Variants in ACVR1B observed in about 807,000 individuals in gnomAD.
ACVR1B encodes activin receptor type-1B.
Under a neutral mutation model 55.6 loss-of-function variants are expected in ACVR1B, and 15 were observed. The observed-to-expected ratio is 0.27, with a 90% CI of 0.18 to 0.42. The LOEUF (loss-of-function observed/expected upper bound fraction) is 0.42. Ranked by LOEUF, ACVR1B falls within the 10% of genes least tolerant of loss-of-function variation. ACVR1B has a pLI of 1.00. For missense variants in ACVR1B, 359 were observed against 670.1 expected, an observed-to-expected ratio of 0.54 and a Z score of 5.13; for synonymous variants, 247 against 254.6, an observed-to-expected ratio of 0.97 and a Z score of 0.28.
intron 6 of ACVR1B, among the ~76,000 whole-genome samples, chr12:51,985,574 C>T (rs1262137495): frequency 1.3e-5 from 2 of 152,194 alleles, no homozygotes; most frequent in African/African-American, 4.8e-5. Flanking sequence ...ACTGTATGCA[C>T]ATTGGTGTTG....
At chr12:51,986,549 C>G (rs1037951531) in intron 6 of ACVR1B, among the ~76,000 whole-genome samples, 1 of 152,160 alleles carries the variant, frequency 6.6e-6, no homozygotes, top group Admixed American at 6.6e-5. Flanking sequence ...CGTGAGCCAC[C>G]GCACCTGGCC....
intron 1 of ACVR1B, among the ~76,000 whole-genome samples, chr12:51,955,476 C>G (rs1315937418): frequency 6.6e-6 from 1 of 152,204 alleles, no homozygotes; most frequent in East Asian, 1.9e-4. Flanking sequence ...GGGTTGCAGT[C>G]TGTTCTCATA....
intron 3 of ACVR1B, among the ~76,000 whole-genome samples, chr12:51,979,095 A>G (rs1941926254): frequency 7.1e-6 from 1 of 141,712 alleles, no homozygotes. Flanking sequence ...CCCGGGAGGC[A>G]GAGGTTGCAG....
intron 8 of ACVR1B, chr12:51,992,467 T>A (rs1942211120): frequency 5.8e-6 from 1 of 171,108 alleles, no homozygotes; most frequent in Non-Finnish European, 1.2e-5. Flanking sequence ...GGCCACTGCG[T>A]TTCAGCCTGG....
Position 51,991,997 on chromosome 12 carries a change from A to G in ACVR1B, c.1392+4A>G, listed in dbSNP as rs1376875423. 8 of 1,614,130 alleles carry G rather than the reference A, an allele frequency of 5.0e-6. No homozygotes were observed. The highest frequency in any genetic ancestry group is 4.0e-5 in the African/African-American group (3 of 74,942). ...CAACTGGTGGCAGAGTTATGAGGTA[A>G]GAAGCTGGCCTCCTGCGGCTTTCCC... On this transcript the variant is annotated splice_donor_region_variant and intron_variant, in intron 8 of 8. Transcript: ENST00000257963.
At chr12:51,963,709 G>A (rs1411283712) in intron 1 of ACVR1B, among the ~76,000 whole-genome samples, 1 of 152,134 alleles carries the variant, frequency 6.6e-6, no homozygotes, top group Admixed American at 6.5e-5. Context: ...CATTTGGGTG[G>A]TTTCCACCTT....
At chr12:51,959,023 A>G (rs916031700) in intron 1 of ACVR1B, among the ~76,000 whole-genome samples, 1 of 152,248 alleles carries the variant, frequency 6.6e-6, no homozygotes, top group Non-Finnish European at 1.5e-5. Flanking sequence ...CAGAAAGCTT[A>G]CCTTCTGCCA....
intron 1 of ACVR1B, among the ~76,000 whole-genome samples, chr12:51,967,327 G>C (rs987084922): frequency 1.2e-4 from 19 of 152,120 alleles, no homozygotes; most frequent in African/African-American, 4.3e-4. Context: ...GGGAGGCCGA[G>C]GCTGGTGGGT....
chr12:51,955,745 CTG>C lies in ACVR1B; in HGVS notation c.91+3913_91+3914del, dbSNP rs1257745323. On this transcript the variant is annotated intron_variant, in intron 1 of 8. Transcript: ENST00000257963. ...GAGGGTCTTAATCTCATTTTCCTCT[CTG>C]TATTCATAAAAAGGGAATCCTAGAG... is the stretch of plus-strand genomic sequence containing the variant. Among the ~76,000 whole-genome samples the C allele has an allele frequency of 2.6e-5, 4 of 152,328 alleles. No homozygotes were observed. The East Asian group carries it at 5.8e-4, about 22-fold the overall frequency.
intron 1 of ACVR1B, among the ~76,000 whole-genome samples, chr12:51,973,138 A>G (rs1424137061): frequency 1.3e-5 from 2 of 152,218 alleles, no homozygotes; most frequent in Non-Finnish European, 2.9e-5. Flanking sequence ...GAGGTTGTGA[A>G]CTAACGAAAT....
chr12:51,964,324 G>A (rs937548279), intron 1 of ACVR1B, among the ~76,000 whole-genome samples: 3 of 152,060 alleles, frequency 2.0e-5, no homozygotes, highest in African/African-American at 7.2e-5. Flanking sequence ...GTTTTTAATT[G>A]GGTTGTTGTT....
chr12:51,996,255 A>G lies in ACVR1B; in HGVS notation c.*2145A>G, dbSNP rs113737357. ...TGTCCCCAGGGGAGGTGTATTGTGT[A>G]TGTAGCCTTAGAGCATCTCTGCCTC... On this transcript the variant is annotated 3_prime_UTR_variant, in exon 9 of 9. Transcript: ENST00000257963. 4,074 of 152,654 alleles carry G rather than the reference A, an allele frequency of 0.027. 87 individuals carry two copies. The highest frequency in any genetic ancestry group is 0.041 in the Middle Eastern group (12 of 294). The allele number at this position is 152,654 out of a possible 1,614,324, so 9.5% of individuals were successfully genotyped here. A position where few individuals can be genotyped will look rare whatever the true frequency, so the allele number is the denominator to read the frequency against.
At chr12:51,952,387 C>T (rs1401102126) in intron 1 of ACVR1B, among the ~76,000 whole-genome samples, 1 of 152,146 alleles carries the variant, frequency 6.6e-6, no homozygotes, top group East Asian at 1.9e-4. Flanking sequence ...GTGTTTCTTC[C>T]CCTCCCTCCA....
intron 7 of ACVR1B, 26 bp from the exon 8 acceptor site, chr12:51,991,837 C>T (rs1340202338): frequency 1.2e-6 from 2 of 1,606,666 alleles, no homozygotes; most frequent in Non-Finnish European, 1.7e-6. Context: ...GTTGATAACT[C>T]AGGTAGATAC....
chr12:51,956,858 C>T (rs1247359047), intron 1 of ACVR1B, among the ~76,000 whole-genome samples: 2 of 152,164 alleles, frequency 1.3e-5, no homozygotes, highest in East Asian at 1.9e-4. Context: ...CTCCCAGGCT[C>T]AAGCAATCCT....
intron 3 of ACVR1B, 146 bp from the exon 4 acceptor site, chr12:51,980,823 T>TG: frequency 1.5e-6 from 1 of 654,920 alleles, no homozygotes; most frequent in Non-Finnish European, 2.6e-6. Context: ...GAAATGTGTA[T>TG]GGGCAGCAGC....
In ACVR1B at chr12:51,984,134, C is replaced by G; in HGVS notation, c.947C>G (p.Ala316Gly). The change falls in exon 5 of 9, where the codon GCA (alanine) becomes GGA (glycine). Residue 316 changes from alanine to glycine, a missense_variant. Coordinates refer to ENST00000257963, the MANE Select transcript of ACVR1B (RefSeq NM_004302.5). ...GCCTTGTCTGCTGCTAGTGGGCTGG[C>G]ACACCTGCACATGGAGATCGTGGGC... ...KLALSAASGL[A>G]HLHMEIVGTQ... 6.2e-7 allele frequency: 1 copy of G among 1,614,184 alleles called. No homozygotes were observed. Among genetic ancestry groups the G allele is most frequent in the African/African-American group, 1.3e-5 (1 of 75,050 alleles).
intron 3 of ACVR1B, among the ~76,000 whole-genome samples, chr12:51,977,783 AT>A (rs748536892): frequency 0.03 from 3,056 of 103,278 alleles, 32 homozygotes; most frequent in Middle Eastern, 0.056. Flanking sequence ...AAGCCTGGCA[AT>A]TTTTTTTTTT....
chr12:51,957,922 A>G (rs1485379142), intron 1 of ACVR1B, among the ~76,000 whole-genome samples: 1 of 152,196 alleles, frequency 6.6e-6, no homozygotes, highest in East Asian at 1.9e-4. Context: ...TCATCAATGA[A>G]AAGCATGACA....
Sources: gnomAD v4.1 joint callset for allele counts (sites outside exome capture counted in the v4.1 genomes callset) on GRCh38, gnomAD v4.1.1 for gene constraint, MANE v1.5 for transcripts, NCBI Gene and HGNC (gene_info 2026-07-23, HGNC 2026-07-21) for gene names.